RFT1: variants seen among roughly 807,000 people sequenced by gnomAD.
The protein encoded by RFT1 is RFT1 glycolipid translocator homolog.
A neutral mutation model predicts 62.2 loss-of-function variants in RFT1; 43 were observed. The observed-to-expected ratio is 0.69, with a 90% CI of 0.54 to 0.89. The LOEUF (loss-of-function observed/expected upper bound fraction) is 0.89, where lower values mean the gene tolerates loss of function less well. Among genes scored for constraint, RFT1 ranks in the 40% least tolerant of loss-of-function variants. The pLI is 0.00. For synonymous variants in RFT1, 262 were observed against 264.6 expected (o/e 0.99, Z 0.10); for missense variants, 605 against 649.9 (o/e 0.93, Z 0.75).
At chr3:53,073,416 G>A in the RFT1 span, among the ~76,000 whole-genome samples, 1 of 152,228 alleles carries the variant, frequency 6.6e-6, no homozygotes, top group Non-Finnish European at 1.5e-5. Context: ...GAAAGTAAGC[G>A]GAAGTCCCGC....
intron 11 of RFT1, among the ~76,000 whole-genome samples, chr3:53,094,509 C>A (rs920227498): frequency 6.6e-6 from 1 of 151,978 alleles, no homozygotes; most frequent in African/African-American, 2.4e-5. Flanking sequence ...GAGCCTGTAC[C>A]TCACAGGGGA....
At chr3:53,115,872 C>A (rs1415999874) in intron 6 of RFT1, among the ~76,000 whole-genome samples, 1 of 152,264 alleles carries the variant, frequency 6.6e-6, no homozygotes, top group African/African-American at 2.4e-5. Context: ...GATCCTATCT[C>A]TCCATCACCA....
At chr3:53,071,452 G>A in the RFT1 span, among the ~76,000 whole-genome samples, 2 of 152,170 alleles carry the variant, frequency 1.3e-5, no homozygotes, top group Non-Finnish European at 2.9e-5. Flanking sequence ...CCTACCTATG[G>A]GGCCACCCTC....
intron 7 of RFT1, among the ~76,000 whole-genome samples, chr3:53,111,301 G>A (rs1407581895): frequency 6.6e-6 from 1 of 151,968 alleles, no homozygotes; most frequent in Non-Finnish European, 1.5e-5. Context: ...AGCTACTCAG[G>A]AGGCTGAGGC....
intron 10 of RFT1, among the ~76,000 whole-genome samples, chr3:53,100,064 C>T (rs562826969): frequency 6.6e-6 from 1 of 152,310 alleles, no homozygotes; most frequent in South Asian, 2.1e-4. Context: ...GGCTAGCAAG[C>T]AAGTCTGTTC....
In RFT1 at chr3:53,122,394, G is replaced by A. The variant is rs201794647; in HGVS notation, c.436C>T (p.His146Tyr). The change falls in exon 4 of 13, where the codon CAT (histidine) becomes TAT (tyrosine). Residue 146 changes from histidine (H) to tyrosine (Y), a missense_variant. Coordinates refer to ENST00000296292, the MANE Select transcript of RFT1 (RefSeq NM_052859.4). ...CTGACCTTGAGCTTCACAAACATAT[G>A]TGCTTGTGCCAAGACCCAAAAGGGC... ...GEPFWVLAQA[H>Y]MFVKLKVIAE... 2.6e-4 allele frequency: 417 copies of A among 1,613,680 alleles called. No homozygotes were observed. Among genetic ancestry groups the A allele is most frequent in the Middle Eastern group, 9.9e-4 (6 of 6,084 alleles).
intron 10 of RFT1, chr3:53,103,545 G>C (rs558353146): frequency 4.1e-6 from 1 of 241,150 alleles, no homozygotes; most frequent in East Asian, 1.0e-4. Flanking sequence ...TTATGCACTA[G>C]GCTGGGAGAT....
At chr3:53,092,297 AGAG>A (rs1454700475) in intron 12 of RFT1, 69 bp downstream of exon 12, 2 of 1,558,890 alleles carry the variant, frequency 1.3e-6, no homozygotes. Flanking sequence ...AAACCTGGGA[AGAG>A]GAGGCCTAGC....
At chr3:53,069,740 G>T in the RFT1 span, among the ~76,000 whole-genome samples, 2 of 152,170 alleles carry the variant, frequency 1.3e-5, no homozygotes, top group African/African-American at 4.8e-5. Context: ...CTACTTCCCA[G>T]CGCCTCCCCG....
the RFT1 span, among the ~76,000 whole-genome samples, chr3:53,081,685 C>T: frequency 6.6e-6 from 1 of 152,116 alleles, no homozygotes; most frequent in African/African-American, 2.4e-5. Context: ...GTGGTGCTGC[C>T]CAGGGTCAAA....
intron 7 of RFT1, among the ~76,000 whole-genome samples, chr3:53,108,706 T>TC (rs959124456): frequency 6.6e-6 from 1 of 150,590 alleles, no homozygotes; most frequent in Non-Finnish European, 1.5e-5. Flanking sequence ...TTAAATGGTT[T>TC]TTTTTTTTTT....
At chr3:53,068,644 GCCCTGTC>G in the RFT1 span, among the ~76,000 whole-genome samples, 1 of 149,450 alleles carries the variant, frequency 6.7e-6, no homozygotes, top group Non-Finnish European at 1.5e-5. Context: ...CCTGGTCCTG[GCCCTGTC>G]CCCTGCACTC....
At chr3:53,109,866 T>C (rs1224803778) in intron 7 of RFT1, among the ~76,000 whole-genome samples, 2 of 152,118 alleles carry the variant, frequency 1.3e-5, no homozygotes, top group Admixed American at 6.5e-5. Context: ...TTCAACTTTT[T>C]TAGAGCTGTA....
intron 6 of RFT1, among the ~76,000 whole-genome samples, chr3:53,117,616 C>G (rs956560203): frequency 1.4e-4 from 22 of 152,158 alleles, no homozygotes; most frequent in Non-Finnish European, 2.4e-4. Context: ...GAGCATATTG[C>G]CAGATTAAAC....
At chr3:53,100,982 T>G (rs1485860496) in intron 10 of RFT1, among the ~76,000 whole-genome samples, 1 of 151,762 alleles carries the variant, frequency 6.6e-6, no homozygotes, top group Non-Finnish European at 1.5e-5. Flanking sequence ...AAAAAACACA[T>G]AACCACTGAA....
At chr3:53,129,559 G>A (rs1006254070) in intron 1 of RFT1, among the ~76,000 whole-genome samples, 1 of 152,130 alleles carries the variant, frequency 6.6e-6, no homozygotes, top group African/African-American at 2.4e-5. Context: ...GTGAGACAGA[G>A]AGATACTGAG....
intron 2 of RFT1, among the ~76,000 whole-genome samples, chr3:53,124,351 A>T (rs963130901): frequency 6.6e-6 from 1 of 152,194 alleles, no homozygotes; most frequent in Non-Finnish European, 1.5e-5. Flanking sequence ...CCAGGTGGGC[A>T]GCACCTGGGT....
At chr3:53,092,904 C>T (rs1701038845) in intron 11 of RFT1, among the ~76,000 whole-genome samples, 1 of 152,204 alleles carries the variant, frequency 6.6e-6, no homozygotes, top group African/African-American at 2.4e-5. Context: ...CAGCCCAAGT[C>T]CTCAATGTGA....
the RFT1 span, among the ~76,000 whole-genome samples, chr3:53,073,693 G>C: frequency 6.6e-6 from 1 of 152,200 alleles, no homozygotes; most frequent in African/African-American, 2.4e-5. Context: ...AGCTTGCCTT[G>C]CCCTGGGGGC....
Sources: gnomAD v4.1 joint callset for allele counts (sites outside exome capture counted in the v4.1 genomes callset) on GRCh38, gnomAD v4.1.1 for gene constraint, MANE v1.5 for transcripts, NCBI Gene and HGNC (gene_info 2026-07-23, HGNC 2026-07-21) for gene names.